TMEM165: variants seen among roughly 807,000 people sequenced by gnomAD.
TMEM165 encodes the protein transmembrane protein 165.
TMEM165 carries 19 observed loss-of-function variants against 30.0 expected under a neutral mutation model. That is an observed-to-expected ratio of 0.63 (90% confidence interval 0.44 to 0.93). The LOEUF (loss-of-function observed/expected upper bound fraction) is 0.93. TMEM165 is among the 40% of genes least tolerant of loss of function. The pLI is 0.00. For missense variants in TMEM165, 340 were observed against 417.0 expected, an observed-to-expected ratio of 0.82 and a Z score of 1.61; for synonymous variants, 168 against 162.9, an observed-to-expected ratio of 1.03 and a Z score of -0.24.
At chr4:55,448,643 TGC>T in intron 3 of TMEM165, 2 of 579,620 alleles carry the variant, frequency 3.5e-6, no homozygotes, top group Non-Finnish European at 6.3e-6. Context: ...TGTGTGTGTG[TGC>T]TCCTACCTCA....
chr4:55,417,620 G>A (rs1244892893), intron 3 of TMEM165, 183 bp from the exon 4 acceptor site: 1 of 596,542 alleles, frequency 1.7e-6, no homozygotes, highest in Non-Finnish European at 2.9e-6. Flanking sequence ...CGGAAGAATT[G>A]AGACTATAGC....
chr4:55,424,676 T>C lies in TMEM165; in HGVS notation c.898+33T>C, dbSNP rs202043214. 8.1e-5 allele frequency: 109 copies of C among 1,339,290 alleles called. No individual in the cohort carries two copies. In the Admixed American group the frequency reaches 8.6e-4, roughly 11 times the overall value. 83.0% of individuals were successfully genotyped at this position (1,339,290 alleles called of 1,614,324 possible). A position where few individuals can be genotyped will look rare whatever the true frequency, so the allele number is the denominator to read the frequency against. On this transcript the variant is annotated intron_variant, in intron 5 of 5. Transcript: ENST00000381334. ...TTGAAAATTACAAATCAGATAACAT[T>C]TTAGAATCACTGAGAGATTAAAGGG... is the stretch of plus-strand genomic sequence containing the variant.
At chr4:55,427,401 G>A (rs1722265198), downstream of TMEM165, among the ~76,000 whole-genome samples, 1 of 150,922 alleles carries the variant, frequency 6.6e-6, no homozygotes, top group Middle Eastern at 3.5e-3. Context: ...GGAATGCAGT[G>A]GCGCAATCTC....
chr4:55,440,978 AAACAAAACAC>A (rs373671612), intron 3 of TMEM165, among the ~76,000 whole-genome samples: 5,119 of 152,182 alleles, frequency 0.034, 102 homozygotes, highest in Non-Finnish European at 0.054. Flanking sequence ...AAACAAAACA[AAACAAAACAC>A]AACACAACAA....
chr4:55,445,654 G>C (rs920910111), intron 3 of TMEM165, among the ~76,000 whole-genome samples: 10 of 136,180 alleles, frequency 7.3e-5, no homozygotes, highest in African/African-American at 2.7e-4. Context: ...GCAGTGGTGC[G>C]ATCATGGCTC....
chr4:55,403,486 C>G (rs1578230526), intron 1 of TMEM165: 1 of 68,420 alleles, frequency 1.5e-5, no homozygotes, highest in African/African-American at 5.9e-5. Flanking sequence ...ATGAGGGTGC[C>G]TTTTTCTTTT....
At chr4:55,414,611 G>A (rs1371701227) in intron 2 of TMEM165, among the ~76,000 whole-genome samples, 1 of 152,074 alleles carries the variant, frequency 6.6e-6, no homozygotes, top group Admixed American at 6.6e-5. Flanking sequence ...CCTTGCCCCT[G>A]ACCCCTCAAT....
chr4:55,425,191 C>T (rs1184844524), intron 5 of TMEM165, among the ~76,000 whole-genome samples, 185 bp from the exon 6 acceptor site: 1 of 152,202 alleles, frequency 6.6e-6, no homozygotes, highest in African/African-American at 2.4e-5. Context: ...TTAGTGTTCA[C>T]AGTCAAGCAT....
chr4:55,435,085 T>C (rs1162851988), intron 3 of TMEM165: 1 of 355,860 alleles, frequency 2.8e-6, no homozygotes, highest in Non-Finnish European at 5.5e-6. Context: ...ACTAACATCA[T>C]TAGTGCCTTT....
downstream of TMEM165, chr4:55,429,557 A>G (rs1722378743): frequency 6.6e-6 from 1 of 152,262 alleles, no homozygotes; most frequent in African/African-American, 2.4e-5. Context: ...TACAGCCTGT[A>G]TACATTATTC....
downstream of TMEM165, among the ~76,000 whole-genome samples, chr4:55,427,446 A>G (rs1172580701): frequency 1.3e-5 from 2 of 151,748 alleles, no homozygotes; most frequent in African/African-American, 4.8e-5. Flanking sequence ...GAGTTCAAGC[A>G]GTTCTCCTGC....
rs368035956 is a variant in TMEM165, at chr4:55,451,443, G to A, written c.409-796G>A. On this transcript the variant is annotated intron_variant, in intron 3 of 3. Coordinates refer to the TMEM165 transcript ENST00000608091. The stretch of plus-strand genomic sequence containing the variant: ...GTCTCCATCACCTCTTAATATTGGA[G>A]TGCTCCAAGACACACCCATCCCTTT... Among the ~76,000 whole-genome samples, 3 of 152,224 alleles carry A rather than the reference G, an allele frequency of 2.0e-5. No individual in the cohort carries two copies. In the East Asian group the frequency reaches 5.8e-4, roughly 29 times the overall value.
chr4:55,404,387 ATGT>A lies in TMEM165; in HGVS notation c.208-7222_208-7220del, dbSNP rs566994089. Among the ~76,000 whole-genome samples the A allele has an allele frequency of 1.5e-3, 228 of 151,996 alleles. 1 individual carries two copies. The highest frequency in any genetic ancestry group is 4.8e-3 in the African/African-American group (200 of 41,448). On this transcript the variant is annotated intron_variant, in intron 1 of 5. Transcript: ENST00000381334. ...TGCTGCTTTTTCACTTTACTTTAGT[ATGT>A]TGTTATCTGGCTTCAGTCCTTGCCT... is the stretch of plus-strand genomic sequence containing the variant.
chr4:55,426,731 A>AGAT (rs1722218489), downstream of TMEM165, among the ~76,000 whole-genome samples: 1 of 152,188 alleles, frequency 6.6e-6, no homozygotes, highest in African/African-American at 2.4e-5. Context: ...CAATTTGAAG[A>AGAT]GATTGTGAAA....
intron 3 of TMEM165, among the ~76,000 whole-genome samples, chr4:55,447,133 G>A (rs185952867): frequency 5.9e-5 from 9 of 151,934 alleles, no homozygotes; most frequent in African/African-American, 1.9e-4. Context: ...TTGGGAGGCC[G>A]AGGTGGGCAG....
rs140091373 is a variant in TMEM165, at chr4:55,400,499, G to A, written c.207+4103G>A. ...GTCGCCCAGGCTGGAGTGCAGTGGC[G>A]TGATCTTGGCTCACTGCAAGGTCTG... On this transcript the variant is annotated intron_variant, in intron 1 of 5. Coordinates refer to ENST00000381334, the MANE Select transcript of TMEM165 (RefSeq NM_018475.5). Among the ~76,000 whole-genome samples the A allele has an allele frequency of 3.0e-3, 442 of 145,678 alleles. 2 individuals are homozygous for A. The highest frequency in any genetic ancestry group is 0.01 in the African/African-American group (405 of 38,826).
intron 3 of TMEM165, among the ~76,000 whole-genome samples, chr4:55,437,445 C>A (rs748821822): frequency 3.9e-5 from 6 of 152,154 alleles, no homozygotes; most frequent in Admixed American, 6.5e-5. Context: ...GTACATTTCT[C>A]TGCTGAGGAT....
intron 3 of TMEM165, among the ~76,000 whole-genome samples, chr4:55,446,445 C>G (rs1047744483): frequency 1.3e-5 from 2 of 152,038 alleles, no homozygotes; most frequent in Non-Finnish European, 2.9e-5. Flanking sequence ...TCTGTCATCC[C>G]TAGAATGCCC....
chr4:55,434,200 A>T (rs935648514), intron 3 of TMEM165: 4 of 152,630 alleles, frequency 2.6e-5, no homozygotes, highest in African/African-American at 9.7e-5. Context: ...CCTGAATTAA[A>T]ATCAAGGCAC....
Sources: gnomAD v4.1 joint callset for allele counts (sites outside exome capture counted in the v4.1 genomes callset) on GRCh38, gnomAD v4.1.1 for gene constraint, MANE v1.5 for transcripts, NCBI Gene and HGNC (gene_info 2026-07-23, HGNC 2026-07-21) for gene names.